The following FYN variants were observed in gnomAD, a reference collection of about 807,000 sequenced individuals.
The protein encoded by FYN is tyrosine-protein kinase Fyn.
FYN carries 10 observed loss-of-function variants against 70.2 expected under a neutral mutation model. The ratio of observed to expected loss-of-function variants is 0.14; its 90% CI spans 0.09 to 0.24. The LOEUF (loss-of-function observed/expected upper bound fraction) is 0.24. Among genes scored for constraint, FYN ranks in the 10% least tolerant of loss-of-function variants. The probability of loss-of-function intolerance (pLI) is 1.00; values close to 1 mark genes in which losing one functional copy is unlikely to be tolerated. For missense variants in FYN, 319 were observed against 673.1 expected, an observed-to-expected ratio of 0.47 and a Z score of 5.82; for synonymous variants, 236 against 248.6, an observed-to-expected ratio of 0.95 and a Z score of 0.48.
chr6:111,717,667 T>A (rs1233212405), intron 4 of FYN, among the ~76,000 whole-genome samples: 1 of 152,194 alleles, frequency 6.6e-6, no homozygotes, highest in Admixed American at 6.5e-5. Context: ...TTTCGCCATG[T>A]TGGCCAGGAT....
chr6:111,748,143 G>T (rs1396202522), intron 3 of FYN, among the ~76,000 whole-genome samples: 6 of 152,212 alleles, frequency 3.9e-5, no homozygotes, highest in Non-Finnish European at 8.8e-5. Flanking sequence ...CCCGTGTTGT[G>T]AGCTACAGCT....
intron 12 of FYN, among the ~76,000 whole-genome samples, chr6:111,690,745 T>C (rs1419825573): frequency 6.6e-6 from 1 of 152,216 alleles, no homozygotes; most frequent in Non-Finnish European, 1.5e-5. Flanking sequence ...CAAAATGTCT[T>C]TCCATTTTAC....
chr6:111,687,896 G>A (rs1799092852), intron 12 of FYN, among the ~76,000 whole-genome samples: 1 of 152,144 alleles, frequency 6.6e-6, no homozygotes, highest in African/African-American at 2.4e-5. Context: ...TGAATTGGCA[G>A]CAATGCTAGG....
chr6:111,760,821 T>C (rs1465607545), intron 3 of FYN, among the ~76,000 whole-genome samples: 2 of 152,194 alleles, frequency 1.3e-5, no homozygotes, highest in Non-Finnish European at 2.9e-5. Flanking sequence ...TTGATTCCAG[T>C]CTCACTTTGA....
At chr6:111,857,759 C>T (rs767555736) in intron 1 of FYN, among the ~76,000 whole-genome samples, 1 of 152,164 alleles carries the variant, frequency 6.6e-6, no homozygotes, top group South Asian at 2.1e-4. Context: ...ACTTTAGTTG[C>T]TTCAGGGCAA....
At position 111,748,006 on chromosome 6, in the gene FYN, G is replaced by A. The variant is rs114815234; in HGVS notation, c.-11-27944C>T. Among the ~76,000 whole-genome samples the A allele has an allele frequency of 3.5e-3, 530 of 152,304 alleles. 2 individuals are homozygous for A. The highest frequency in any genetic ancestry group is 0.012 in the African/African-American group (496 of 41,554). ...TCAGCCAGTTGGAAGTGGAGGTTGG[G>A]AGCTGTGAAATATGAGGCACATAGA... On this transcript the variant is annotated intron_variant, in intron 3 of 13. Coordinates refer to ENST00000354650, the MANE Select transcript of FYN (RefSeq NM_002037.5).
chr6:111,775,056 C>T (rs148867539), intron 3 of FYN, among the ~76,000 whole-genome samples: 1 of 152,216 alleles, frequency 6.6e-6, no homozygotes, highest in East Asian at 1.9e-4. Flanking sequence ...GCCTACGATA[C>T]CCTAATATGC....
At chr6:111,699,365 G>T in intron 9 of FYN, 2 of 789,308 alleles carry the variant, frequency 2.5e-6, no homozygotes, top group Non-Finnish European at 4.0e-6. Context: ...CAAGGTATCA[G>T]CATATTCTGA....
intron 2 of FYN, among the ~76,000 whole-genome samples, chr6:111,811,671 A>T (rs1772329952): frequency 6.6e-6 from 1 of 152,154 alleles, no homozygotes; most frequent in Non-Finnish European, 1.5e-5. Flanking sequence ...AACTGATGCA[A>T]GGGAGGCTCA....
chr6:111,725,599 G>T (rs948306894), intron 3 of FYN, among the ~76,000 whole-genome samples: 2 of 152,328 alleles, frequency 1.3e-5, no homozygotes, highest in Non-Finnish European at 2.9e-5. Flanking sequence ...GCCCTCTGGA[G>T]ATGTTAATAC....
intron 1 of FYN, among the ~76,000 whole-genome samples, chr6:111,867,860 A>G (rs1250061127): frequency 6.6e-6 from 1 of 151,816 alleles, no homozygotes; most frequent in African/African-American, 2.4e-5. Context: ...TCCACTTACA[A>G]CTCTTAAATG....
chr6:111,750,758 G>A (rs1802451019), intron 3 of FYN, among the ~76,000 whole-genome samples: 1 of 149,170 alleles, frequency 6.7e-6, no homozygotes, highest in Non-Finnish European at 1.5e-5. Flanking sequence ...AGGCAAGTTG[G>A]GAAATTTTGA....
At chr6:111,792,853 T>C (rs1359879841) in intron 2 of FYN, among the ~76,000 whole-genome samples, 1 of 152,180 alleles carries the variant, frequency 6.6e-6, no homozygotes, top group Non-Finnish European at 1.5e-5. Context: ...AGTCATGCTA[T>C]CAGTTACCCT....
At chr6:111,688,019 TCCAAAAAAAAC>T (rs935093615) in intron 12 of FYN, among the ~76,000 whole-genome samples, 12 of 151,110 alleles carry the variant, frequency 7.9e-5, no homozygotes, top group African/African-American at 2.7e-4. Flanking sequence ...GGTCAAGCTA[TCCAAAAAAAAC>T]CCAAAAAACA....
chr6:111,781,945 T>A (rs890742970), intron 2 of FYN, among the ~76,000 whole-genome samples: 4 of 152,230 alleles, frequency 2.6e-5, no homozygotes, highest in Non-Finnish European at 4.4e-5. Flanking sequence ...AAAATATTCA[T>A]AATTTCTATT....
intron 12 of FYN, among the ~76,000 whole-genome samples, chr6:111,678,459 A>G (rs144533139): frequency 1.6e-3 from 242 of 152,274 alleles, no homozygotes; most frequent in Admixed American, 4.1e-3. Context: ...GTTTCTCTGA[A>G]TTCTGTTGAG....
At chr6:111,746,384 T>C (rs1802218713) in intron 3 of FYN, among the ~76,000 whole-genome samples, 1 of 152,180 alleles carries the variant, frequency 6.6e-6, no homozygotes, top group Admixed American at 6.5e-5. Context: ...ACAGATTAGT[T>C]TTCTCTGGTC....
At chr6:111,732,675 C>T (rs759397371) in intron 3 of FYN, among the ~76,000 whole-genome samples, 1 of 152,194 alleles carries the variant, frequency 6.6e-6, no homozygotes, top group Non-Finnish European at 1.5e-5. Flanking sequence ...CTAGTCAACT[C>T]CTTGTGACTG....
chr6:111,721,796 GTTAAATGGTCCCCC>G (rs1382895475), intron 3 of FYN, among the ~76,000 whole-genome samples: 1 of 152,060 alleles, frequency 6.6e-6, no homozygotes, highest in African/African-American at 2.4e-5. Context: ...ATACAAGTTG[GTTAAATGGTCCCCC>G]TTTGGACTTG....
Sources: allele counts gnomAD v4.1 joint callset (sites outside exome capture counted in the v4.1 genomes callset), GRCh38; gene constraint gnomAD v4.1.1; transcripts MANE v1.5; gene names NCBI Gene and HGNC (gene_info 2026-07-23, HGNC 2026-07-21).